GRID2IP: variants seen among roughly 807,000 people sequenced by gnomAD.
The protein encoded by GRID2IP is delphilin.
A neutral mutation model predicts 114.3 loss-of-function variants in GRID2IP; 78 were observed. The ratio of observed to expected loss-of-function variants is 0.68; its 90% CI spans 0.57 to 0.82. The LOEUF (loss-of-function observed/expected upper bound fraction) is 0.82, where lower values mean the gene tolerates loss of function less well. Among genes scored for constraint, GRID2IP ranks in the 40% least tolerant of loss-of-function variants. The pLI, the probability that GRID2IP is intolerant of heterozygous loss-of-function variation, is 0.00. For synonymous variants in GRID2IP, 809 were observed against 724.0 expected, an observed-to-expected ratio of 1.12 and a Z score of -1.89; for missense variants, 1,727 against 1,678.5, an observed-to-expected ratio of 1.03 and a Z score of -0.51.
Position 6,504,936 on chromosome 7 carries a change from T to G in GRID2IP, c.2633-66A>C, listed in dbSNP as rs776684947. On this transcript the variant is annotated intron_variant, in intron 14 of 21. Coordinates refer to ENST00000457091, the MANE Select transcript of GRID2IP (RefSeq NM_001145118.2). ...AGGCTGCAGTGGGAAGGCCCAGGGG[T>G]GGCGTGGTCACAGCCAACAGCCACT... The G allele has an allele frequency of 2.2e-6, 3 of 1,371,088 alleles. No individual in the cohort carries two copies. The Admixed American group carries it at 6.0e-5, about 27-fold the overall frequency. 84.9% of individuals were successfully genotyped at this position (1,371,088 alleles called of 1,614,324 possible).
In GRID2IP at chr7:6,509,007, C is replaced by T. The variant is rs1481812221; in HGVS notation, c.2078G>A (p.Arg693Gln). The change falls in exon 12 of 22, where the codon CGG becomes CAG. Residue 693 changes from arginine (R) to glutamine (Q), a missense_variant. Transcript: ENST00000457091. This position sits in a 1 kb window ranked among gnomAD's most constrained non-coding sequence, Gnocchi z 4.9. ...LDVLSEQLGP[R>Q]VTIVDDFLTP... The stretch of plus-strand genomic sequence containing the variant: ...CAGGAAATCATCCACGATGGTGACC[C>T]GGGGGCCCAGCTGCTCGCTCAGCAC... 1.6e-5 allele frequency: 23 copies of T among 1,476,384 alleles called. No individual in the cohort carries two copies. In the East Asian group the frequency reaches 2.6e-4, roughly 17 times the overall value. The allele number at this position is 1,476,384 out of a possible 1,614,324, so 91.5% of individuals were successfully genotyped here. A position where few individuals can be genotyped will look rare whatever the true frequency, so the allele number is the denominator to read the frequency against.
chr7:6,541,612 C>T (rs1012712110), intron 1 of GRID2IP, among the ~76,000 whole-genome samples: 1 of 152,078 alleles, frequency 6.6e-6, no homozygotes, highest in Non-Finnish European at 1.5e-5. Flanking sequence ...TGCAAATGAT[C>T]ACGTTGGAAA....
At chr7:6,503,275 C>G in intron 16 of GRID2IP, 112 bp from the exon 17 acceptor site, 1 of 1,199,658 alleles carries the variant, frequency 8.3e-7, no homozygotes. Context: ...GCCCGATATT[C>G]CGGTAGGAAG....
intron 1 of GRID2IP, among the ~76,000 whole-genome samples, chr7:6,547,258 G>T (rs1779901067): frequency 6.6e-6 from 1 of 152,154 alleles, no homozygotes; most frequent in African/African-American, 2.4e-5. Flanking sequence ...TGTTGATTTT[G>T]GGTCAGGCAC....
chr7:6,510,662 C>T lies in GRID2IP; in HGVS notation c.1600G>A (p.Glu534Lys), dbSNP rs1206798293. ...GACGTGCCGTCGCCTGCCTGGCGCT[C>T]GCCTGGGATCAGGGGAAGAGGCATC... ...PEMPLPLIPG[E>K]RQAGDGTSLP... is the part of the protein sequence containing the mutation. Residue 534 changes from glutamate (E) to lysine (K), a missense_variant, in exon 10 of 22, where the codon GAG (glutamate) becomes AAG (lysine). Glu to Lys is a moderately conservative substitution (Grantham distance 56). Coordinates refer to ENST00000457091, the MANE Select transcript of GRID2IP (RefSeq NM_001145118.2). 18 of 1,538,994 alleles carry T rather than the reference C, an allele frequency of 1.2e-5. No homozygotes were observed. Among genetic ancestry groups the T allele is most frequent in the East Asian group, 9.9e-5 (4 of 40,550 alleles).
At chr7:6,514,183 G>A (rs960810964) in intron 8 of GRID2IP, among the ~76,000 whole-genome samples, 192 bp downstream of exon 8, 4 of 152,096 alleles carry the variant, frequency 2.6e-5, no homozygotes, top group Admixed American at 6.6e-5. Context: ...AACTTGGGAG[G>A]CGGAGGTTGC....
intron 2 of GRID2IP, chr7:6,531,135 G>C (rs1285557943): frequency 1.9e-6 from 1 of 522,094 alleles, no homozygotes; most frequent in Non-Finnish European, 3.4e-6. Context: ...GGCAGGTGCC[G>C]AAGGGCAGGG....
At chr7:6,533,174 C>T (rs1322975222) in intron 2 of GRID2IP, among the ~76,000 whole-genome samples, 1 of 152,138 alleles carries the variant, frequency 6.6e-6, no homozygotes, top group African/African-American at 2.4e-5. Context: ...TACTGCTAAA[C>T]ATCCTCTAAT....
chr7:6,521,647 TC>T lies in GRID2IP; in HGVS notation c.990-125del. On this transcript the variant is annotated intron_variant, in intron 5 of 21. Transcript: ENST00000457091. The surrounding 1 kb of genome is among the most constrained non-coding windows in gnomAD (Gnocchi z 4.1). The stretch of plus-strand genomic sequence containing the variant: ...AAGACCACCTCTGTGTGACTCTGTG[TC>T]CCCAGCATGGAGCTGGAGTATTTTC... The T allele has an allele frequency of 1.4e-6, 1 of 719,656 alleles. No homozygotes were observed. Among genetic ancestry groups the T allele is most frequent in the Non-Finnish European group, 2.3e-6 (1 of 429,722 alleles). The allele number at this position is 719,656 out of a possible 1,614,324, so 44.6% of individuals were successfully genotyped here. A position where few individuals can be genotyped will look rare whatever the true frequency, so the allele number is the denominator to read the frequency against.
Position 6,526,875 on chromosome 7 carries a change from C to T in GRID2IP, c.585-106G>A. ...CGGGCGCCGCCCTAGGCTCTCCCAC[C>T]TCTTCCTAGGAGTGGCGGAGGGCTG... On this transcript the variant is annotated intron_variant, in intron 2 of 21. Coordinates refer to ENST00000457091, the MANE Select transcript of GRID2IP (RefSeq NM_001145118.2). The surrounding 1 kb of genome is among the most constrained non-coding windows in gnomAD (Gnocchi z 7.6). 2 of 1,258,170 alleles carry T rather than the reference C, an allele frequency of 1.6e-6. No homozygotes were observed. Among genetic ancestry groups the T allele is most frequent in the Non-Finnish European group, 2.1e-6 (2 of 971,072 alleles). The allele number at this position is 1,258,170 out of a possible 1,614,324, so 77.9% of individuals were successfully genotyped here. A position where few individuals can be genotyped will look rare whatever the true frequency, so the allele number is the denominator to read the frequency against.
chr7:6,539,053 A>G (rs953267613), intron 2 of GRID2IP, among the ~76,000 whole-genome samples: 3 of 152,138 alleles, frequency 2.0e-5, no homozygotes, highest in Admixed American at 1.3e-4. Flanking sequence ...TCCTGTCTCA[A>G]TAAAGAATTG....
chr7:6,527,471 G>A (rs1779537136), intron 2 of GRID2IP, among the ~76,000 whole-genome samples: 1 of 152,208 alleles, frequency 6.6e-6, no homozygotes, highest in African/African-American at 2.4e-5. Context: ...CCAGGAACTG[G>A]CGTTCAAAGC....
intron 7 of GRID2IP, among the ~76,000 whole-genome samples, chr7:6,518,732 C>T (rs1038675578): frequency 2.6e-5 from 4 of 151,744 alleles, no homozygotes; most frequent in Non-Finnish European, 5.9e-5. Context: ...AAGACTCCAT[C>T]TCAAACAAAA....
rs139562287 is a variant in GRID2IP, at chr7:6,517,922, A to C, written c.1268+2656T>G. 9.9e-3 allele frequency among the ~76,000 whole-genome samples: 1,500 copies of C among 151,540 alleles called. 11 individuals are homozygous for C. Among genetic ancestry groups the C allele is most frequent in the Middle Eastern group, 0.051 (15 of 294 alleles). On this transcript the variant is annotated intron_variant, in intron 7 of 21. Transcript: ENST00000457091. ...TGCTTCAAAATAAATAAATAAATAA[A>C]TAAATAAATAAAATAAAATATACAA...
intron 11 of GRID2IP, 66 bp downstream of exon 11, chr7:6,510,217 C>T: frequency 9.1e-7 from 1 of 1,100,244 alleles, no homozygotes; most frequent in South Asian, 1.5e-5. Context: ...AGAGAAGCAG[C>T]TCCAGGGCTG....
At position 6,516,809 on chromosome 7, in the gene GRID2IP, C is replaced by T. The variant is rs1562517567; in HGVS notation, c.1269-2280G>A. 6.6e-6 allele frequency among the ~76,000 whole-genome samples: 1 copy of T among 152,170 alleles called. No individual in the cohort carries two copies. Among genetic ancestry groups the T allele is most frequent in the Non-Finnish European group, 1.5e-5 (1 of 68,028 alleles). Reference sequence around the variant, plus strand: ...TGCATAGAAGAAATAATTACGTAAGCTGTCCCCTCTTTCTCTCCGCCTCAG... The same window carrying T: ...TGCATAGAAGAAATAATTACGTAAGTTGTCCCCTCTTTCTCTCCGCCTCAG... On this transcript the variant is annotated intron_variant, in intron 7 of 21. Coordinates refer to ENST00000457091, the MANE Select transcript of GRID2IP (RefSeq NM_001145118.2). The surrounding 1 kb of genome is among the most constrained non-coding windows in gnomAD (Gnocchi z 4.3).
rs369447306 is a variant in GRID2IP, at chr7:6,514,287, A to T, written c.1423+88T>A. 1.4e-4 allele frequency: 157 copies of T among 1,159,478 alleles called. No individual in the cohort carries two copies. In the African/African-American group the frequency reaches 2.2e-3, roughly 16 times the overall value. 71.8% of individuals were successfully genotyped at this position (1,159,478 alleles called of 1,614,324 possible). A position where few individuals can be genotyped will look rare whatever the true frequency, so the allele number is the denominator to read the frequency against. ...CAAACAAGCAAACAAACACCTTCACATGTGAGAACAGGTGTCTGTCTGTTC... is the reference window on the plus strand; with the variant it reads ...CAAACAAGCAAACAAACACCTTCACTTGTGAGAACAGGTGTCTGTCTGTTC... On this transcript the variant is annotated intron_variant, in intron 8 of 21. Coordinates refer to ENST00000457091, the MANE Select transcript of GRID2IP (RefSeq NM_001145118.2).
chr7:6,539,556 C>G (rs969664135), intron 2 of GRID2IP, among the ~76,000 whole-genome samples, 162 bp downstream of exon 2: 1 of 152,128 alleles, frequency 6.6e-6, no homozygotes, highest in African/African-American at 2.4e-5. Context: ...TTGGCCTACC[C>G]TTGTTTGGGG....
rs767459991 is a variant in GRID2IP, at chr7:6,539,669, C to G, written c.584+49G>C. 36 of 1,492,808 alleles carry G rather than the reference C, an allele frequency of 2.4e-5. No individual in the cohort carries two copies. The East Asian group carries it at 3.8e-4, about 16-fold the overall frequency. 92.5% of individuals were successfully genotyped at this position (1,492,808 alleles called of 1,614,324 possible). On this transcript the variant is annotated intron_variant, in intron 2 of 21. Coordinates refer to ENST00000457091, the MANE Select transcript of GRID2IP (RefSeq NM_001145118.2). ...GGGTGGTTGTGAGGGAATGATGGCTCTAAGTGAGACCCACCCTGCCTGTCT... is the reference window on the plus strand; with the variant it reads ...GGGTGGTTGTGAGGGAATGATGGCTGTAAGTGAGACCCACCCTGCCTGTCT...
Sources: gnomAD v4.1 joint callset for allele counts (sites outside exome capture counted in the v4.1 genomes callset) on GRCh38, gnomAD v4.1.1 for gene constraint, Gnocchi (gnomAD v3.1) non-coding constraint, MANE v1.5 for transcripts, NCBI Gene and HGNC (gene_info 2026-07-23, HGNC 2026-07-21) for gene names.